SHISA9: variants seen among roughly 807,000 people sequenced by gnomAD.
SHISA9 encodes protein shisa-9.
SHISA9 carries 13 observed loss-of-function variants against 38.0 expected under a neutral mutation model. That is an observed-to-expected ratio of 0.34 (90% CI 0.22 to 0.54). SHISA9 has a LOEUF of 0.54. Among genes scored for constraint, SHISA9 ranks in the 20% least tolerant of loss-of-function variants. SHISA9 has a pLI of 0.91. For missense variants in SHISA9, 538 were observed against 575.8 expected, an observed-to-expected ratio of 0.93 and a Z score of 0.67; for synonymous variants, 275 against 242.0, an observed-to-expected ratio of 1.14 and a Z score of -1.27.
chr16:13,339,666 A>C, the SHISA9 span, among the ~76,000 whole-genome samples: 3 of 152,122 alleles, frequency 2.0e-5, no homozygotes, highest in East Asian at 5.8e-4. Flanking sequence ...AAAGGGAGAA[A>C]GAGAGAGAGT....
In SHISA9 at chr16:13,240,301, C is replaced by T. The variant is rs917723737; in HGVS notation, c.*4892C>T. 1 of 152,138 alleles carries T rather than the reference C, an allele frequency of 6.6e-6. No individual in the cohort carries two copies. The highest frequency in any genetic ancestry group is 2.4e-5 in the African/African-American group (1 of 41,426). The allele number at this position is 152,138 out of a possible 1,614,324, so 9.4% of individuals were successfully genotyped here. A position where few individuals can be genotyped will look rare whatever the true frequency, so the allele number is the denominator to read the frequency against. The stretch of plus-strand genomic sequence containing the variant: ...GAGTTTATGATACGAATAATTCTTC[C>T]TACAATGAAGAAAAAAACACATTTG... On this transcript the variant is annotated 3_prime_UTR_variant, in exon 5 of 5. Coordinates refer to ENST00000558583, the MANE Select transcript of SHISA9 (RefSeq NM_001145204.3).
intron 2 of SHISA9, among the ~76,000 whole-genome samples, chr16:13,197,075 G>A (rs1171012911): frequency 2.8e-5 from 4 of 140,532 alleles, no homozygotes; most frequent in Non-Finnish European, 6.2e-5. Flanking sequence ...CTGGGTGACA[G>A]AGTGAAACTG....
intron 2 of SHISA9, among the ~76,000 whole-genome samples, chr16:13,101,113 T>A (rs2073874958): frequency 6.6e-6 from 1 of 152,120 alleles, no homozygotes; most frequent in Non-Finnish European, 1.5e-5. Context: ...TTTCCGGGGC[T>A]GTGGGGAGAG....
chr16:13,434,419 G>GTTTGTTTTTTTTTTTT, the SHISA9 span, among the ~76,000 whole-genome samples: 1 of 64,566 alleles, frequency 1.5e-5, no homozygotes, highest in African/African-American at 5.4e-5. Context: ...GACAAGCTAT[G>GTTTGTTTTTTTTTTTT]TTTTTTTTTT....
chr16:13,198,260 GTATA>G (rs2050968343), intron 2 of SHISA9, among the ~76,000 whole-genome samples: 2 of 120,144 alleles, frequency 1.7e-5, no homozygotes, highest in African/African-American at 3.1e-5. Flanking sequence ...ATACTTGTGT[GTATA>G]TGCATACATA....
At chr16:13,454,920 C>T in the SHISA9 span, among the ~76,000 whole-genome samples, 1 of 152,160 alleles carries the variant, frequency 6.6e-6, no homozygotes, top group Non-Finnish European at 1.5e-5. Context: ...TGAAGACTTG[C>T]CTGAGTGTTC....
intron 2 of SHISA9, among the ~76,000 whole-genome samples, chr16:13,131,155 C>A (rs1228287668): frequency 6.6e-6 from 1 of 152,136 alleles, no homozygotes; most frequent in African/African-American, 2.4e-5. Context: ...TATAAAGATA[C>A]ATGCATGTGT....
At chr16:13,200,409 A>AACACACACACACACACACACACAC (rs148088145) in intron 2 of SHISA9, among the ~76,000 whole-genome samples, 53 of 136,620 alleles carry the variant, frequency 3.9e-4, no homozygotes, top group African/African-American at 1.6e-3. Flanking sequence ...TATATCATGA[A>AACACACACACACACACACACACAC]ACACACACAC....
intron 2 of SHISA9, among the ~76,000 whole-genome samples, chr16:12,983,029 G>T (rs1056310764): frequency 3.3e-5 from 5 of 152,196 alleles, no homozygotes; most frequent in Admixed American, 6.5e-5. Flanking sequence ...GGTATTGGGT[G>T]CTATTGAATG....
At chr16:13,403,114 A>C in the SHISA9 span, among the ~76,000 whole-genome samples, 17 of 151,310 alleles carry the variant, frequency 1.1e-4, no homozygotes, top group South Asian at 4.2e-4. Context: ...AAAAACACAA[A>C]AAAAAAAAAA....
the SHISA9 span, among the ~76,000 whole-genome samples, chr16:13,321,129 A>G: frequency 2.6e-5 from 4 of 152,230 alleles, no homozygotes; most frequent in Non-Finnish European, 4.4e-5. Flanking sequence ...GCACATCTTC[A>G]TAATTCTGGA....
intron 2 of SHISA9, among the ~76,000 whole-genome samples, chr16:13,028,859 A>G (rs1234658094): frequency 1.3e-5 from 2 of 152,148 alleles, no homozygotes; most frequent in African/African-American, 4.8e-5. Flanking sequence ...TCAGGATTAG[A>G]TCATGTTCTG....
At chr16:13,031,612 C>T (rs1032209833) in intron 2 of SHISA9, among the ~76,000 whole-genome samples, 2 of 151,712 alleles carry the variant, frequency 1.3e-5, no homozygotes, top group Admixed American at 6.6e-5. Context: ...CATGTGAGCA[C>T]TAGAGTCTGA....
At chr16:13,036,023 G>C (rs2073056791) in intron 2 of SHISA9, among the ~76,000 whole-genome samples, 1 of 152,222 alleles carries the variant, frequency 6.6e-6, no homozygotes, top group Non-Finnish European at 1.5e-5. Flanking sequence ...AATATGGAGT[G>C]ACTGGAATTG....
intron 2 of SHISA9, among the ~76,000 whole-genome samples, chr16:13,131,334 G>A (rs917864044): frequency 5.1e-4 from 78 of 152,160 alleles, no homozygotes; most frequent in Non-Finnish European, 1.6e-4. Flanking sequence ...GGAGCTGGAA[G>A]CCATTATCCT....
At chr16:13,538,009 T>C in the SHISA9 span, among the ~76,000 whole-genome samples, 1 of 152,238 alleles carries the variant, frequency 6.6e-6, no homozygotes, top group Non-Finnish European at 1.5e-5. Context: ...GTATATTTTG[T>C]TTTAAAAATA....
the SHISA9 span, among the ~76,000 whole-genome samples, chr16:13,277,959 AGGAG>A: frequency 2.0e-5 from 3 of 151,906 alleles, no homozygotes; most frequent in Non-Finnish European, 4.4e-5. Flanking sequence ...TATGTTGAAG[AGGAG>A]TGGTGAGAGT....
chr16:13,158,249 C>T (rs938068352), intron 2 of SHISA9, among the ~76,000 whole-genome samples: 2 of 152,198 alleles, frequency 1.3e-5, no homozygotes, highest in African/African-American at 4.8e-5. Context: ...CCAGCTTTGC[C>T]TCTCACTGAC....
chr16:13,274,209 G>A, the SHISA9 span, among the ~76,000 whole-genome samples: 1 of 152,132 alleles, frequency 6.6e-6, no homozygotes, highest in South Asian at 2.1e-4. Flanking sequence ...AGGGGAAGAT[G>A]GATAGGCCAT....
Sources: gnomAD v4.1 joint callset for allele counts (sites outside exome capture counted in the v4.1 genomes callset) on GRCh38, gnomAD v4.1.1 for gene constraint, MANE v1.5 for transcripts, NCBI Gene and HGNC (gene_info 2026-07-23, HGNC 2026-07-21) for gene names.